Variants in ZFP91 observed in about 807,000 individuals in gnomAD.
ZFP91 encodes ZFP91 zinc finger protein, atypical E3 ubiquitin ligase, also known as E3 ubiquitin-protein ligase ZFP91.
In ZFP91, 7 loss-of-function variants were observed where a neutral mutation model predicts 63.5. The ratio of observed to expected loss-of-function variants is 0.11; its 90% confidence interval spans 0.06 to 0.21. The LOEUF (loss-of-function observed/expected upper bound fraction) is 0.21, where lower values mean the gene tolerates loss of function less well. Among genes scored for constraint, ZFP91 ranks in the 10% least tolerant of loss-of-function variants. The pLI, the probability that ZFP91 is intolerant of heterozygous loss-of-function variation, is 1.00. For synonymous variants in ZFP91, 330 were observed against 272.1 expected, an observed-to-expected ratio of 1.21 and a Z score of -2.10; for missense variants, 628 against 736.6, an observed-to-expected ratio of 0.85 and a Z score of 1.71.
intron 2 of ZFP91, among the ~76,000 whole-genome samples, chr11:58,585,667 T>A (rs1855195347): frequency 6.6e-6 from 1 of 152,186 alleles, no homozygotes; most frequent in South Asian, 2.1e-4. Context: ...GCTTTTAAGG[T>A]CTGCTTATAG....
Position 58,579,132 on chromosome 11 carries a change from G to T in ZFP91, c.-150G>T. 1 of 617,098 alleles carries T rather than the reference G, an allele frequency of 1.6e-6. No individual in the cohort carries two copies. Among genetic ancestry groups the T allele is most frequent in the Non-Finnish European group, 2.4e-6 (1 of 419,108 alleles). The allele number at this position is 617,098 out of a possible 1,614,324, so 38.2% of individuals were successfully genotyped here. A position where few individuals can be genotyped will look rare whatever the true frequency, so the allele number is the denominator to read the frequency against. ...GCAGGGGGTGGGGGGGGCGCCCTCG[G>T]AGCCGGGCGGAGGGGAGGGGGGAAA... is the stretch of plus-strand genomic sequence containing the variant. On this transcript the variant is annotated 5_prime_UTR_variant, in exon 1 of 11. Transcript: ENST00000316059.
At chr11:58,579,900 G>T (rs551982394) in intron 1 of ZFP91, among the ~76,000 whole-genome samples, 1 of 151,942 alleles carries the variant, frequency 6.6e-6, no homozygotes, top group Non-Finnish European at 1.5e-5. Flanking sequence ...CCTCCTCCCT[G>T]ACACCCGCAG....
chr11:58,610,558 G>T (rs1262692817), intron 4 of ZFP91, among the ~76,000 whole-genome samples: 3 of 152,122 alleles, frequency 2.0e-5, no homozygotes, highest in Non-Finnish European at 2.9e-5. Context: ...TTCTGTGTTT[G>T]GACTTATTCC....
chr11:58,616,712 A>G lies in ZFP91; in HGVS notation c.1103-4A>G, dbSNP rs1419736509. On this transcript the variant is annotated splice_polypyrimidine_tract_variant and splice_region_variant and intron_variant, in intron 9 of 10. Transcript: ENST00000316059. ...GAACACTAACCACAGTATTTTCTTC[A>G]TAGATCAAAGGGATTATATCTGTGA... 1 of 1,612,726 alleles carries G rather than the reference A, an allele frequency of 6.2e-7. No individual in the cohort carries two copies.
Position 58,579,602 on chromosome 11 carries a change from C to A in ZFP91, c.321C>A (p.Gly107=), listed in dbSNP as rs1855058567. 1 of 1,574,604 alleles carries A rather than the reference C, an allele frequency of 6.4e-7. No homozygotes were observed. The highest frequency in any genetic ancestry group is 2.6e-5 in the East Asian group (1 of 39,124). The change falls in exon 1 of 11, where the codon GGC becomes GGA. Residue 107 remains glycine (G), a synonymous_variant. Transcript: ENST00000316059. ...QAAKSPSPVQ[G]KKSPRLLCIE... Reference sequence around the variant, plus strand: ...CGAAGTCCCCGTCTCCAGTTCAGGGCAAGAAGAGTCCGCGACTCCTGTGAG... The same window carrying A: ...CGAAGTCCCCGTCTCCAGTTCAGGGAAAGAAGAGTCCGCGACTCCTGTGAG...
chr11:58,608,572 G>A (rs183476444), intron 2 of ZFP91, among the ~76,000 whole-genome samples: 26 of 152,098 alleles, frequency 1.7e-4, no homozygotes, highest in African/African-American at 6.0e-4. Flanking sequence ...TGAGTCTCTT[G>A]TTCTGAGTGG....
chr11:58,610,162 T>G, intron 3 of ZFP91, 123 bp downstream of exon 3: 2 of 1,414,352 alleles, frequency 1.4e-6, no homozygotes, highest in Non-Finnish European at 2.0e-6. Context: ...AGGTGGTATT[T>G]CTTTGAACAG....
chr11:58,586,388 G>T (rs892051909), intron 2 of ZFP91, among the ~76,000 whole-genome samples: 7 of 151,708 alleles, frequency 4.6e-5, no homozygotes, highest in Non-Finnish European at 1.0e-4. Context: ...GGCTGGATTC[G>T]AGCTCCTGGC....
At position 58,618,708 on chromosome 11, in the gene ZFP91, G is replaced by C. The variant is rs1331038727; in HGVS notation, c.*1002G>C. The C allele has an allele frequency of 2.2e-6, 1 of 456,828 alleles. No homozygotes were observed. Among genetic ancestry groups the C allele is most frequent in the African/African-American group, 2.0e-5 (1 of 50,032 alleles). The allele number at this position is 456,828 out of a possible 1,614,324, so 28.3% of individuals were successfully genotyped here. A position where few individuals can be genotyped will look rare whatever the true frequency, so the allele number is the denominator to read the frequency against. On this transcript the variant is annotated 3_prime_UTR_variant, in exon 11 of 11. Transcript: ENST00000316059. ...ACATAGGGTTGAAGAAGCACAGCCA[G>C]CCTCTGAAATCATAGCTCTCCAGTG...
chr11:58,598,738 AC>A (rs1470155971), intron 2 of ZFP91, among the ~76,000 whole-genome samples: 1 of 144,698 alleles, frequency 6.9e-6, no homozygotes, highest in African/African-American at 2.7e-5. Context: ...ACCTGGCAAT[AC>A]TTTTGTGCAC....
At chr11:58,599,319 T>C (rs1855456839) in intron 2 of ZFP91, among the ~76,000 whole-genome samples, 1 of 152,080 alleles carries the variant, frequency 6.6e-6, no homozygotes, top group Non-Finnish European at 1.5e-5. Flanking sequence ...TTGGTGTATG[T>C]ACCTAGAAGT....
At chr11:58,585,698 A>C (rs1040623923) in intron 2 of ZFP91, among the ~76,000 whole-genome samples, 4 of 152,218 alleles carry the variant, frequency 2.6e-5, no homozygotes, top group Non-Finnish European at 5.9e-5. Flanking sequence ...TTTCTATAAA[A>C]GAATATATGT....
chr11:58,610,916 C>T lies in ZFP91; in HGVS notation c.618-34C>T, dbSNP rs372594868. On this transcript the variant is annotated intron_variant, in intron 4 of 10. Transcript: ENST00000316059. ...ATCCCCTCAGACATGTTCGCTACAA[C>T]CAGAATGTCTCATTTCTATTTACTT... 16 of 1,592,392 alleles carry T rather than the reference C, an allele frequency of 1.0e-5. 1 individual carries two copies. In the African/African-American group the frequency reaches 1.2e-4, roughly 12 times the overall value.
intron 2 of ZFP91, among the ~76,000 whole-genome samples, chr11:58,604,165 G>A (rs1442772030): frequency 3.9e-5 from 6 of 152,138 alleles, no homozygotes; most frequent in Non-Finnish European, 8.8e-5. Context: ...CTTAATACCT[G>A]TAAATATGAA....
At chr11:58,602,511 T>G (rs1197904144) in intron 2 of ZFP91, among the ~76,000 whole-genome samples, 1 of 152,186 alleles carries the variant, frequency 6.6e-6, no homozygotes, top group Non-Finnish European at 1.5e-5. Context: ...TTATTATATT[T>G]TCTAGATTGA....
intron 2 of ZFP91, among the ~76,000 whole-genome samples, chr11:58,605,924 C>G (rs189135459): frequency 8.4e-4 from 128 of 152,100 alleles, no homozygotes; most frequent in Non-Finnish European, 8.8e-4. Flanking sequence ...TTCCTTTATT[C>G]TTTTTTTCTT....
rs1590627205 is a variant in ZFP91, at chr11:58,609,909, G to A, written c.450G>A (p.Arg150=). 11 of 1,614,070 alleles carry A rather than the reference G, an allele frequency of 6.8e-6. No individual in the cohort carries two copies. In the East Asian group the frequency reaches 2.5e-4, roughly 36 times the overall value. ...CCATTGCTGCATCTAGACCTAGCCG[G>A]GGCTGGCGTAGTAGTAGGACATCTG... The part of the protein sequence containing the change: ...EVSIAASRPS[R]GWRSSRTSVS... Residue 150 remains arginine, a synonymous_variant, in exon 3 of 11, where the codon CGG becomes CGA. Coordinates refer to ENST00000316059, the MANE Select transcript of ZFP91 (RefSeq NM_053023.5).
chr11:58,618,599 T>C lies in ZFP91; in HGVS notation c.*893T>C, dbSNP rs990278355. On this transcript the variant is annotated 3_prime_UTR_variant, in exon 11 of 11. Coordinates refer to ENST00000316059, the MANE Select transcript of ZFP91 (RefSeq NM_053023.5). Reference sequence around the variant, plus strand: ...TGATTTTTTTTTTTTGGAGTCTTTGTTGCTATATTTTGTGGGGCTGGGAGA... The same window carrying C: ...TGATTTTTTTTTTTTGGAGTCTTTGCTGCTATATTTTGTGGGGCTGGGAGA... 5 of 426,586 alleles carry C rather than the reference T, an allele frequency of 1.2e-5. No individual in the cohort carries two copies. Among genetic ancestry groups the C allele is most frequent in the Non-Finnish European group, 2.3e-5 (5 of 218,164 alleles). 26.4% of individuals were successfully genotyped at this position (426,586 alleles called of 1,614,324 possible). A position where few individuals can be genotyped will look rare whatever the true frequency, so the allele number is the denominator to read the frequency against.
intron 2 of ZFP91, among the ~76,000 whole-genome samples, chr11:58,609,308 A>G (rs189921635): frequency 1.2e-3 from 178 of 152,342 alleles, no homozygotes; most frequent in South Asian, 2.1e-3. Flanking sequence ...TTACCATTCA[A>G]TTGCTCTATA....
Sources: gnomAD v4.1 joint callset for allele counts (sites outside exome capture counted in the v4.1 genomes callset) on GRCh38, gnomAD v4.1.1 for gene constraint, MANE v1.5 for transcripts, NCBI Gene and HGNC (gene_info 2026-07-23, HGNC 2026-07-21) for gene names.